The following TRAPPC9 variants were observed in gnomAD, a reference collection of about 807,000 sequenced individuals.
The protein encoded by TRAPPC9 is IKK2 binding protein.
In TRAPPC9, 83 loss-of-function variants were observed where a neutral mutation model predicts 124.0. That is an observed-to-expected ratio of 0.67 (90% CI 0.56 to 0.80). The LOEUF (loss-of-function observed/expected upper bound fraction) is 0.80, where lower values mean the gene tolerates loss of function less well. Ranked by LOEUF, TRAPPC9 falls within the 30% of genes least tolerant of loss-of-function variation. TRAPPC9 has a pLI of 0.00. For synonymous variants in TRAPPC9, 638 were observed against 617.5 expected, an observed-to-expected ratio of 1.03 and a Z score of -0.49; for missense variants, 1,302 against 1,508.3, an observed-to-expected ratio of 0.86 and a Z score of 2.27.
rs112103520 is a variant in TRAPPC9 at position 140,110,832 on chromosome 8, C to T, written c.2557-86753G>A. Among the ~76,000 whole-genome samples, 28 of 5,478 alleles carry T rather than the reference C, an allele frequency of 5.1e-3. 1 individual carries two copies. The highest frequency in any genetic ancestry group is 7.8e-3 in the African/African-American group (7 of 902). 3.6% of individuals were successfully genotyped at this position (5,478 alleles called of 152,430 possible). On this transcript the variant is annotated intron_variant, in intron 17 of 22. Coordinates refer to ENST00000438773, the MANE Select transcript of TRAPPC9 (RefSeq NM_001160372.4). ...AGCAGCCCCCCCCTGCAGCAGCTCC[C>T]CCTGCAACCCCTGTAGCAGCTCCCC...
chr8:139,853,148 GC>G (rs931952712), intron 21 of TRAPPC9, among the ~76,000 whole-genome samples: 4 of 152,142 alleles, frequency 2.6e-5, no homozygotes, highest in African/African-American at 9.7e-5. Context: ...AAGGCCTCTG[GC>G]CCCCAGGCCT....
rs1258962268 is a variant in TRAPPC9 at position 140,406,868 on chromosome 8, A to G, written c.887-1170T>C. ...ACTATAAATGATAATAGAAAAGGGC[A>G]TGCTTGGAAAAATATATCTCAAATA... On this transcript the variant is annotated intron_variant, in intron 5 of 22. Transcript: ENST00000438773. 2.6e-5 allele frequency among the ~76,000 whole-genome samples: 4 copies of G among 152,232 alleles called. No homozygotes were observed. The East Asian group carries it at 7.7e-4, about 29-fold the overall frequency.
At chr8:140,278,134 C>T (rs1276516642) in intron 14 of TRAPPC9, among the ~76,000 whole-genome samples, 1 of 150,868 alleles carries the variant, frequency 6.6e-6, no homozygotes, top group East Asian at 1.9e-4. Context: ...GAGATAGTCT[C>T]GCTCTGTCGC....
At chr8:140,219,934 G>C (rs1297183594) in intron 17 of TRAPPC9, among the ~76,000 whole-genome samples, 4 of 152,214 alleles carry the variant, frequency 2.6e-5, no homozygotes, top group Non-Finnish European at 4.4e-5. Context: ...ATCCATCGGG[G>C]AATGGTGGAA....
At chr8:140,331,617 AATCATC>A (rs57241018) in intron 9 of TRAPPC9, among the ~76,000 whole-genome samples, 167 of 150,714 alleles carry the variant, frequency 1.1e-3, no homozygotes, top group Non-Finnish European at 1.8e-3. Context: ...AACAGCAAAA[AATCATC>A]ATCATCATCA....
chr8:139,973,510 G>A (rs2614722), intron 19 of TRAPPC9, among the ~76,000 whole-genome samples: 122 of 152,230 alleles, frequency 8.0e-4, no homozygotes, highest in African/African-American at 2.6e-3. Context: ...AAGACCTGAC[G>A]TGGACAGGGG....
At chr8:140,295,183 G>C (rs1376321260) in intron 11 of TRAPPC9, among the ~76,000 whole-genome samples, 1 of 152,156 alleles carries the variant, frequency 6.6e-6, no homozygotes, top group Non-Finnish European at 1.5e-5. Context: ...CCATGTGGCG[G>C]GAAAGACTCC....
rs141928740 is a variant in TRAPPC9, at chr8:139,823,986, C to T, written c.3055+61893G>A. ...TTTGTTAGACATGCCCGTGAGGATC[C>T]GGATAAAAATACCCAGGTCTTCTAT... On this transcript the variant is annotated intron_variant, in intron 21 of 22. Coordinates refer to ENST00000438773, the MANE Select transcript of TRAPPC9 (RefSeq NM_001160372.4). 3.8e-3 allele frequency among the ~76,000 whole-genome samples: 576 copies of T among 152,226 alleles called. 4 individuals carry two copies. The highest frequency in any genetic ancestry group is 0.012 in the African/African-American group (503 of 41,508).
At chr8:140,311,780 T>C (rs559430594) in intron 9 of TRAPPC9, among the ~76,000 whole-genome samples, 1 of 152,258 alleles carries the variant, frequency 6.6e-6, no homozygotes, top group Non-Finnish European at 1.5e-5. Flanking sequence ...CAGGAGTTTG[T>C]AATTTATCTG....
intron 21 of TRAPPC9, among the ~76,000 whole-genome samples, chr8:139,865,843 G>A (rs1236587187): frequency 6.6e-6 from 1 of 152,212 alleles, no homozygotes; most frequent in East Asian, 1.9e-4. Flanking sequence ...CCAAGTATGA[G>A]TGACCATGGC....
At chr8:140,421,564 T>C (rs2070210070) in intron 5 of TRAPPC9, among the ~76,000 whole-genome samples, 1 of 152,212 alleles carries the variant, frequency 6.6e-6, no homozygotes, top group Non-Finnish European at 1.5e-5. Flanking sequence ...ACAGATACTG[T>C]TGTCAAAATT....
At chr8:140,046,490 C>T (rs963165449) in intron 17 of TRAPPC9, among the ~76,000 whole-genome samples, 5 of 152,342 alleles carry the variant, frequency 3.3e-5, no homozygotes, top group African/African-American at 1.2e-4. Flanking sequence ...GCTTCTGTCA[C>T]GCTGGCTAGA....
Position 140,451,291 on chromosome 8 carries a change from T to C in TRAPPC9, c.83A>G (p.Glu28Gly). The part of the protein sequence containing the change: ...VVVQPVGIVS[E>G]ENFFRIYKRI... ...CTTATAGATCCTGAAGAAGTTCTCC[T>C]CGGAGACGATGCCCACAGGCTGGAC... The change falls in exon 2 of 23, where the codon GAG (glutamate) becomes GGG (glycine). Residue 28 changes from glutamate (E) to glycine (G), a missense_variant. Coordinates refer to ENST00000438773, the MANE Select transcript of TRAPPC9 (RefSeq NM_001160372.4). 1 of 1,610,292 alleles carries C rather than the reference T, an allele frequency of 6.2e-7. No homozygotes were observed. Among genetic ancestry groups the C allele is most frequent in the Non-Finnish European group, 8.5e-7 (1 of 1,180,026 alleles).
At chr8:139,955,704 T>C (rs1290473588) in intron 19 of TRAPPC9, among the ~76,000 whole-genome samples, 1 of 152,134 alleles carries the variant, frequency 6.6e-6, no homozygotes, top group Non-Finnish European at 1.5e-5. Flanking sequence ...CTACTGGAAA[T>C]AGGAAATCCA....
chr8:140,381,260 A>C (rs1326466416), intron 7 of TRAPPC9, among the ~76,000 whole-genome samples: 2 of 152,186 alleles, frequency 1.3e-5, no homozygotes, highest in East Asian at 3.9e-4. Flanking sequence ...AATGACAATA[A>C]CAAAATGGGA....
intron 5 of TRAPPC9, 123 bp from the exon 6 acceptor site, chr8:140,405,821 GT>G: frequency 8.9e-7 from 1 of 1,121,390 alleles, no homozygotes; most frequent in Non-Finnish European, 1.3e-6. Context: ...TAATGTAAGT[GT>G]TTAGTCTTCA....
At chr8:139,787,277 T>C (rs972066421) in intron 21 of TRAPPC9, among the ~76,000 whole-genome samples, 4 of 152,070 alleles carry the variant, frequency 2.6e-5, no homozygotes, top group Non-Finnish European at 4.4e-5. Flanking sequence ...ACTGAGCTGC[T>C]TTATGACTCT....
intron 12 of TRAPPC9, 44 bp from the exon 13 acceptor site, chr8:140,287,778 T>C (rs763915809): frequency 8.1e-6 from 13 of 1,613,284 alleles, no homozygotes; most frequent in South Asian, 7.7e-5. Flanking sequence ...GCAAACCTAC[T>C]GTGTGTGCTC....
At chr8:140,018,158 T>A (rs1472137293) in intron 18 of TRAPPC9, among the ~76,000 whole-genome samples, 1 of 151,904 alleles carries the variant, frequency 6.6e-6, no homozygotes, top group African/African-American at 2.4e-5. Flanking sequence ...TCTAATTATT[T>A]AAGTCATCTT....
Sources: gnomAD v4.1 joint callset for allele counts (sites outside exome capture counted in the v4.1 genomes callset) on GRCh38, gnomAD v4.1.1 for gene constraint, MANE v1.5 for transcripts, NCBI Gene and HGNC (gene_info 2026-07-23, HGNC 2026-07-21) for gene names.